The following IGSF5 variants were observed in gnomAD, a reference collection of about 807,000 sequenced individuals.
IGSF5 encodes immunoglobulin superfamily 5 like.
Under a neutral mutation model 39.4 loss-of-function variants are expected in IGSF5, and 41 were observed. The observed-to-expected ratio is 1.04, with a 90% confidence interval of 0.81 to 1.35. IGSF5 has a LOEUF of 1.35. Ranked by LOEUF, IGSF5 falls within the 40% of genes most tolerant of loss-of-function variation. The probability of loss-of-function intolerance (pLI) is 0.00; values close to 1 mark genes in which losing one functional copy is unlikely to be tolerated. For synonymous variants in IGSF5, 183 were observed against 175.3 expected (o/e 1.04, Z -0.34); for missense variants, 487 against 494.6 (o/e 0.98, Z 0.15).
chr21:39,728,101 T>G, the IGSF5 span: 1 of 152,226 alleles, frequency 6.6e-6, no homozygotes, highest in African/African-American at 2.4e-5. Context: ...TTCACAGCAG[T>G]TTCCTTGGCA....
the IGSF5 span, among the ~76,000 whole-genome samples, chr21:39,734,018 A>C: frequency 6.6e-6 from 1 of 152,230 alleles, no homozygotes; most frequent in Non-Finnish European, 1.5e-5. Flanking sequence ...ATCAAGTCAC[A>C]TGCTGAGGTT....
intron 5 of IGSF5, among the ~76,000 whole-genome samples, chr21:39,781,067 C>T (rs931402723): frequency 6.6e-6 from 1 of 152,182 alleles, no homozygotes; most frequent in African/African-American, 2.4e-5. Flanking sequence ...GAGTATCTCA[C>T]TAAAATGCAT....
chr21:39,784,928 G>A (rs2080190784), intron 5 of IGSF5, among the ~76,000 whole-genome samples: 1 of 151,604 alleles, frequency 6.6e-6, no homozygotes, highest in Admixed American at 6.6e-5. Flanking sequence ...TGGCCTGGGG[G>A]CTTTGGGATG....
chr21:39,778,510 C>T (rs77407646), intron 4 of IGSF5, among the ~76,000 whole-genome samples: 6,010 of 152,186 alleles, frequency 0.039, 404 homozygotes, highest in African/African-American at 0.13. Flanking sequence ...GAAGGTGTCT[C>T]CTGAAAAGCT....
the IGSF5 span, among the ~76,000 whole-genome samples, chr21:39,715,774 A>T: frequency 6.6e-6 from 1 of 152,200 alleles, no homozygotes; most frequent in Non-Finnish European, 1.5e-5. Context: ...CTGGAAGATG[A>T]TCATTCACGG....
chr21:39,751,009 C>T (rs1323560743), intron 2 of IGSF5, among the ~76,000 whole-genome samples: 3 of 152,314 alleles, frequency 2.0e-5, no homozygotes, highest in South Asian at 2.1e-4. Flanking sequence ...GAGGCCTCTG[C>T]GTTCCCAGCC....
intron 2 of IGSF5, among the ~76,000 whole-genome samples, chr21:39,749,603 G>A (rs533241507): frequency 6.6e-6 from 1 of 152,336 alleles, no homozygotes; most frequent in Non-Finnish European, 1.5e-5. Context: ...TGTGCCCAAA[G>A]TGGTCAGGGC....
the IGSF5 span, among the ~76,000 whole-genome samples, chr21:39,738,722 T>C: frequency 6.6e-6 from 1 of 151,476 alleles, no homozygotes; most frequent in African/African-American, 2.4e-5. The surrounding 1 kb of genome is among the most constrained non-coding windows in gnomAD (Gnocchi z 6.4). Context: ...GTGAAAGTTG[T>C]GAAAGATTGG....
chr21:39,737,648 A>AG, the IGSF5 span, among the ~76,000 whole-genome samples: 47 of 152,298 alleles, frequency 3.1e-4, 1 homozygote, highest in Admixed American at 2.5e-3. Flanking sequence ...GGATGTGGGA[A>AG]GGGGGGCGGA....
chr21:39,770,809 A>T, intron 3 of IGSF5, 107 bp from the exon 4 acceptor site: 1 of 838,658 alleles, frequency 1.2e-6, no homozygotes, highest in Non-Finnish European at 1.6e-6. Context: ...GGTCTCACAA[A>T]ATGTAATTTG....
chr21:39,770,777 C>T, intron 3 of IGSF5, 139 bp from the exon 4 acceptor site: 1 of 512,992 alleles, frequency 1.9e-6, no homozygotes, highest in Non-Finnish European at 3.1e-6. Flanking sequence ...AGAGACACAG[C>T]CTCTTTGGGC....
rs188718940 is a variant in IGSF5, at chr21:39,801,753, T to G, written c.*396T>G. 28 of 158,812 alleles carry G rather than the reference T, an allele frequency of 1.8e-4. No homozygotes were observed. The East Asian group carries it at 4.7e-3, about 27-fold the overall frequency. 9.8% of individuals were successfully genotyped at this position (158,812 alleles called of 1,614,324 possible). On this transcript the variant is annotated 3_prime_UTR_variant, in exon 9 of 9. Transcript: ENST00000380588. ...AGATGATATTTATGTATATTTAATA[T>G]GTAGGGGTATTATTACATATTATCA...
chr21:39,743,570 T>C (rs1167655661), upstream of IGSF5, among the ~76,000 whole-genome samples: 1 of 152,008 alleles, frequency 6.6e-6, no homozygotes, highest in East Asian at 1.9e-4. Context: ...TACCCCTTTG[T>C]CTATCTCCTT....
chr21:39,757,430 G>A (rs1313926590), intron 2 of IGSF5, among the ~76,000 whole-genome samples: 1 of 152,048 alleles, frequency 6.6e-6, no homozygotes, highest in African/African-American at 2.4e-5. Context: ...AGGTGGGCTG[G>A]CGGGTGGTGT....
At chr21:39,798,909 C>T (rs1451135464) in intron 8 of IGSF5, among the ~76,000 whole-genome samples, 6 of 152,178 alleles carry the variant, frequency 3.9e-5, no homozygotes, top group African/African-American at 1.4e-4. Context: ...TTGAAAATTT[C>T]AGAAAAGTGG....
intron 2 of IGSF5, among the ~76,000 whole-genome samples, chr21:39,751,938 T>C (rs1024543918): frequency 1.3e-5 from 2 of 152,230 alleles, no homozygotes; most frequent in African/African-American, 2.4e-5. Context: ...CACCTTTTTA[T>C]TGAGCCGTGG....
the IGSF5 span, among the ~76,000 whole-genome samples, chr21:39,721,792 C>T: frequency 0.063 from 9,573 of 151,716 alleles, 556 homozygotes; most frequent in East Asian, 0.22. Flanking sequence ...CCATTCCACC[C>T]ATCCACCCAT....
At chr21:39,770,830 TAAA>T in intron 3 of IGSF5, 83 bp from the exon 4 acceptor site, 1 of 832,900 alleles carries the variant, frequency 1.2e-6, no homozygotes, top group Non-Finnish European at 1.6e-6. Context: ...AAGCAAAACT[TAAA>T]AAAAAAAAGA....
chr21:39,782,215 T>C (rs2080174383), intron 5 of IGSF5, among the ~76,000 whole-genome samples: 1 of 152,188 alleles, frequency 6.6e-6, no homozygotes, highest in African/African-American at 2.4e-5. Context: ...ACTTACACTG[T>C]ACTGTTTTAA....
Sources: gnomAD v4.1 joint callset for allele counts (sites outside exome capture counted in the v4.1 genomes callset) on GRCh38, gnomAD v4.1.1 for gene constraint, Gnocchi (gnomAD v3.1) non-coding constraint, MANE v1.5 for transcripts, NCBI Gene and HGNC (gene_info 2026-07-23, HGNC 2026-07-21) for gene names.